TNIK: variants seen among roughly 807,000 people sequenced by gnomAD.
The protein encoded by TNIK is TRAF2 and NCK-interacting protein kinase.
TNIK carries 49 observed loss-of-function variants against 191.3 expected under a neutral mutation model. The observed-to-expected ratio is 0.26, with a 90% CI of 0.20 to 0.32. The LOEUF (loss-of-function observed/expected upper bound fraction) is 0.32. TNIK is among the 10% of genes least tolerant of loss of function. The probability of loss-of-function intolerance (pLI) is 1.00; values close to 1 mark genes in which losing one functional copy is unlikely to be tolerated. For synonymous variants in TNIK, 594 were observed against 600.9 expected, an observed-to-expected ratio of 0.99 and a Z score of 0.17; for missense variants, 1,155 against 1,702.3, an observed-to-expected ratio of 0.68 and a Z score of 5.66.
chr3:171,172,016 A>T (rs761831743), intron 9 of TNIK, among the ~76,000 whole-genome samples: 16 of 151,526 alleles, frequency 1.1e-4, no homozygotes, highest in Non-Finnish European at 8.8e-5. Context: ...TCCTCATCAT[A>T]CCAATAGGGA....
chr3:171,114,427 TTTTAG>T (rs1303186585), intron 18 of TNIK, among the ~76,000 whole-genome samples: 1 of 152,252 alleles, frequency 6.6e-6, no homozygotes, highest in Non-Finnish European at 1.5e-5. Context: ...TTTGAGATAC[TTTTAG>T]TTTAGTCTAC....
At position 171,349,659 on chromosome 3, in the gene TNIK, A is replaced by T. The variant is rs375116679; in HGVS notation, c.123+19961T>A. On this transcript the variant is annotated intron_variant, in intron 2 of 32. Coordinates refer to ENST00000436636, the MANE Select transcript of TNIK (RefSeq NM_015028.4). The stretch of plus-strand genomic sequence containing the variant: ...TCTAGGGTCCTGTCAAAACAGGATG[A>T]TGGAAAGTCAGAATAATGTTTTAGC... 1.2e-4 allele frequency among the ~76,000 whole-genome samples: 18 copies of T among 152,356 alleles called. No individual in the cohort carries two copies. In the East Asian group the frequency reaches 2.7e-3, roughly 23 times the overall value.
rs558160184 is a variant in TNIK at position 171,127,487 on chromosome 3, A to T, written c.1773+1227T>A. On this transcript the variant is annotated intron_variant, in intron 16 of 32. Coordinates refer to ENST00000436636, the MANE Select transcript of TNIK (RefSeq NM_015028.4). ...CCCCCAAACTGAAGCACCTGAAGAA[A>T]GCTTAAGTGAATTAACTGTCACAAA... Among the ~76,000 whole-genome samples, 138 of 152,324 alleles carry T rather than the reference A, an allele frequency of 9.1e-4. 1 individual carries two copies. Among genetic ancestry groups the T allele is most frequent in the African/African-American group, 3.3e-3 (136 of 41,582 alleles).
chr3:171,407,568 G>A (rs1439416655), intron 1 of TNIK, among the ~76,000 whole-genome samples: 1 of 152,166 alleles, frequency 6.6e-6, no homozygotes, highest in African/African-American at 2.4e-5. Context: ...AGACAGACAG[G>A]AGGGGCCACT....
At chr3:171,426,126 C>T (rs1447092146) in intron 1 of TNIK, among the ~76,000 whole-genome samples, 70 of 152,034 alleles carry the variant, frequency 4.6e-4, no homozygotes, top group African/African-American at 1.7e-3. Context: ...TGCAGCACTA[C>T]TCACAATAGC....
At chr3:171,364,764 G>T (rs185537258) in intron 2 of TNIK, among the ~76,000 whole-genome samples, 1 of 152,286 alleles carries the variant, frequency 6.6e-6, no homozygotes, top group African/African-American at 2.4e-5. Context: ...AATAGACACA[G>T]GGATGAAAAG....
Position 171,366,745 on chromosome 3 carries a change from C to T in TNIK, c.123+2875G>A, listed in dbSNP as rs1715770512. Among the ~76,000 whole-genome samples the T allele has an allele frequency of 1.3e-5, 2 of 152,018 alleles. No individual in the cohort carries two copies. The highest frequency in any genetic ancestry group is 4.2e-4 in the South Asian group (2 of 4,802). On this transcript the variant is annotated intron_variant, in intron 2 of 32. Coordinates refer to ENST00000436636, the MANE Select transcript of TNIK (RefSeq NM_015028.4). The surrounding 1 kb of genome is among the most constrained non-coding windows in gnomAD (Gnocchi z 4.1). ...GCATTTGATATGGTTTGGCTGTGTC[C>T]CCAACCAAATTTCGTCTTGAATTGT...
chr3:171,346,275 T>C (rs1365545419), intron 2 of TNIK, among the ~76,000 whole-genome samples: 1 of 152,196 alleles, frequency 6.6e-6, no homozygotes, highest in East Asian at 1.9e-4. Context: ...TTCAAGTCTC[T>C]ACACTGATTT....
intron 6 of TNIK, among the ~76,000 whole-genome samples, chr3:171,189,239 A>G (rs1222455491): frequency 1.3e-5 from 2 of 152,228 alleles, no homozygotes; most frequent in East Asian, 1.9e-4. Flanking sequence ...TCCACGTTGC[A>G]GCATGTGTTA....
At chr3:171,267,742 C>G (rs1748563687) in intron 2 of TNIK, among the ~76,000 whole-genome samples, 1 of 152,166 alleles carries the variant, frequency 6.6e-6, no homozygotes, top group Admixed American at 6.5e-5. Flanking sequence ...ATAAAGGCAA[C>G]TTTTTACCTA....
intron 2 of TNIK, among the ~76,000 whole-genome samples, chr3:171,242,279 C>G (rs758624000): frequency 1.3e-5 from 2 of 152,120 alleles, no homozygotes; most frequent in African/African-American, 4.8e-5. Context: ...CCTCAGTCAG[C>G]TAAGGACACC....
In TNIK at chr3:171,424,671, A is replaced by T. The variant is rs563950351; in HGVS notation, c.57+35336T>A. Among the ~76,000 whole-genome samples, 21 of 152,276 alleles carry T rather than the reference A, an allele frequency of 1.4e-4. No individual in the cohort carries two copies. The South Asian group carries it at 4.1e-3, about 30-fold the overall frequency. On this transcript the variant is annotated intron_variant, in intron 1 of 32. Coordinates refer to ENST00000436636, the MANE Select transcript of TNIK (RefSeq NM_015028.4). ...TGCAGCCATAAAAAATGATGAGTTC[A>T]TGTCCTTTGTAGGAACATGGATGAA...
At position 171,460,258 on chromosome 3, in the gene TNIK, C is replaced by T. The variant is rs2108754265; in HGVS notation, c.-195G>A. On this transcript the variant is annotated 5_prime_UTR_variant, in exon 1 of 33. Transcript: ENST00000436636. This position sits in a 1 kb window ranked among gnomAD's most constrained non-coding sequence, Gnocchi z 6.8. ...CGCGTCGGTCCGCCGGGTCCGGGAG[C>T]CCAGCCTGCGCGGATCTCCAAGCCC... The T allele has an allele frequency of 4.4e-6, 3 of 676,310 alleles. No homozygotes were observed. The highest frequency in any genetic ancestry group is 3.6e-5 in the African/African-American group (2 of 55,428). 41.9% of individuals were successfully genotyped at this position (676,310 alleles called of 1,614,324 possible).
chr3:171,356,294 C>T (rs1038656305), intron 2 of TNIK, among the ~76,000 whole-genome samples: 3 of 152,098 alleles, frequency 2.0e-5, no homozygotes, highest in African/African-American at 7.2e-5. Context: ...AAATAATCAA[C>T]ACAGATGTAT....
chr3:171,414,248 A>G (rs1722771884), intron 1 of TNIK, among the ~76,000 whole-genome samples: 1 of 152,260 alleles, frequency 6.6e-6, no homozygotes, highest in East Asian at 1.9e-4. Flanking sequence ...GGAGCTTTAA[A>G]TGGGAATGAA....
chr3:171,448,564 G>A (rs1426655122), intron 1 of TNIK, among the ~76,000 whole-genome samples: 1 of 139,212 alleles, frequency 7.2e-6, no homozygotes, highest in Non-Finnish European at 1.5e-5. Context: ...AAATATTCAT[G>A]TACACTTTTT....
rs192177861 is a variant in TNIK, at chr3:171,379,174, T to C, written c.58-9489A>G. 2.1e-3 allele frequency among the ~76,000 whole-genome samples: 327 copies of C among 152,326 alleles called. 1 individual carries two copies. Among genetic ancestry groups the C allele is most frequent in the African/African-American group, 7.6e-3 (317 of 41,568 alleles). On this transcript the variant is annotated intron_variant, in intron 1 of 32. Coordinates refer to ENST00000436636, the MANE Select transcript of TNIK (RefSeq NM_015028.4). ...TCAGCATAAAAGATAAATAATATTTTCAAAATATATTTTTCTCGGTTCACA... is the reference window on the plus strand; with the variant it reads ...TCAGCATAAAAGATAAATAATATTTCCAAAATATATTTTTCTCGGTTCACA...
At position 171,063,959 on chromosome 3, in the gene TNIK, A is replaced by G. The variant is rs372474615; in HGVS notation, c.4005T>C (p.Phe1335=). The stretch of plus-strand genomic sequence containing the variant: ...TTCCTCCAGATCGCACGGATGCAAA[A>G]AATACCTGTTTGAAATTAAAAAGAA... ...KFLCERNDKV[F]FASVRSGGSS... The change falls in exon 33 of 33, where the codon TTT becomes TTC. Residue 1335 remains phenylalanine (F), a synonymous_variant. Transcript: ENST00000436636. The G allele has an allele frequency of 1.2e-5, 20 of 1,613,578 alleles. No individual in the cohort carries two copies. The highest frequency in any genetic ancestry group is 1.5e-5 in the Non-Finnish European group (18 of 1,179,668).
chr3:171,382,218 CTT>C (rs63626462), intron 1 of TNIK, among the ~76,000 whole-genome samples: 5,165 of 99,052 alleles, frequency 0.052, 203 homozygotes, highest in African/African-American at 0.18. Context: ...TTGAATACAT[CTT>C]TTTTTTTTTT....
Sources: gnomAD v4.1 joint callset for allele counts (sites outside exome capture counted in the v4.1 genomes callset) on GRCh38, gnomAD v4.1.1 for gene constraint, Gnocchi (gnomAD v3.1) non-coding constraint, MANE v1.5 for transcripts, NCBI Gene and HGNC (gene_info 2026-07-23, HGNC 2026-07-21) for gene names.